The following NOD1 variants were observed in gnomAD, a reference collection of about 807,000 sequenced individuals.
The protein encoded by NOD1 is nucleotide-binding oligomerization domain-containing protein 1.
In NOD1, 70 loss-of-function variants were observed where a neutral mutation model predicts 81.2. The observed-to-expected ratio is 0.86, with a 90% confidence interval of 0.71 to 1.05. The LOEUF (loss-of-function observed/expected upper bound fraction) is 1.05, where lower values mean the gene tolerates loss of function less well. Ranked by LOEUF, NOD1 falls within the 50% of genes least tolerant of loss-of-function variation. The probability of loss-of-function intolerance (pLI) is 0.00; values close to 1 mark genes in which losing one functional copy is unlikely to be tolerated. For synonymous variants in NOD1, 508 were observed against 526.9 expected (o/e 0.96, Z 0.49); for missense variants, 1,233 against 1,228.0 (o/e 1.00, Z -0.06).
At chr7:30,450,097 G>A (rs1785529944) in intron 6 of NOD1, among the ~76,000 whole-genome samples, 1 of 152,174 alleles carries the variant, frequency 6.6e-6, no homozygotes, top group South Asian at 2.1e-4. Context: ...AGGAGGCTGG[G>A]GCAAGAGAAT....
At chr7:30,425,814 T>C (rs1399629724) in intron 13 of NOD1, 104 bp from the exon 14 acceptor site, 5 of 799,016 alleles carry the variant, frequency 6.3e-6, no homozygotes, top group Non-Finnish European at 1.1e-5. Flanking sequence ...TATCACACAA[T>C]ACACATGTAT....
At position 30,474,652 on chromosome 7, in the gene NOD1, C is replaced by T. The variant is rs189396407; in HGVS notation, c.-352+3954G>A. 1.8e-3 allele frequency among the ~76,000 whole-genome samples: 278 copies of T among 152,326 alleles called. 1 individual carries two copies. Among genetic ancestry groups the T allele is most frequent in the African/African-American group, 6.5e-3 (270 of 41,574 alleles). The stretch of plus-strand genomic sequence containing the variant: ...GATCTGACAGGAGGCAGAGTTCAGG[C>T]GGTAATGCTTGCTCACTGCTGCTCA... On this transcript the variant is annotated intron_variant, in intron 1 of 13. Transcript: ENST00000222823.
chr7:30,439,397 G>A lies in NOD1; in HGVS notation c.2454-1741C>T, dbSNP rs544321828. Among the ~76,000 whole-genome samples, 820 of 137,746 alleles carry A rather than the reference G, an allele frequency of 6.0e-3. 7 individuals are homozygous for A. Among genetic ancestry groups the A allele is most frequent in the African/African-American group, 0.023 (725 of 31,214 alleles). The allele number at this position is 137,746 out of a possible 152,430, so 90.4% of individuals were successfully genotyped here. ...ACAGTGGGCGCAGGCCAGTGTGTGC[G>A]CGCACCGTGCGCGAGCCGAAGCAGG... On this transcript the variant is annotated intron_variant, in intron 9 of 13. Coordinates refer to ENST00000222823, the MANE Select transcript of NOD1 (RefSeq NM_006092.4).
At chr7:30,431,888 T>A (rs534557397) in intron 12 of NOD1, among the ~76,000 whole-genome samples, 15 of 152,294 alleles carry the variant, frequency 9.8e-5, no homozygotes, top group Non-Finnish European at 2.1e-4. Context: ...GTGGATCACC[T>A]GAGGTCAGGA....
chr7:30,445,494 C>T (rs1027674744), intron 9 of NOD1, among the ~76,000 whole-genome samples: 14 of 151,918 alleles, frequency 9.2e-5, no homozygotes, highest in Non-Finnish European at 2.9e-5. Flanking sequence ...CACGGTGGCT[C>T]ACGCCTATAA....
intron 3 of NOD1, among the ~76,000 whole-genome samples, chr7:30,458,008 G>C (rs942348112): frequency 6.6e-6 from 1 of 152,162 alleles, no homozygotes; most frequent in Non-Finnish European, 1.5e-5. Flanking sequence ...GGAAGAGGGA[G>C]AGCCGGCACA....
chr7:30,460,216 A>G (rs1786879532), intron 1 of NOD1, 175 bp from the exon 2 acceptor site: 1 of 984,354 alleles, frequency 1.0e-6, no homozygotes, highest in Admixed American at 6.1e-5. Context: ...GCCTTGGTAA[A>G]CAGAATCTAA....
Position 30,452,835 on chromosome 7 carries a change from C to T in NOD1, c.582G>A (p.Gln194=), listed in dbSNP as rs147563269. 1.9e-6 allele frequency: 3 copies of T among 1,614,178 alleles called. No individual in the cohort carries two copies. The South Asian group carries it at 3.3e-5, about 18-fold the overall frequency. The change falls in exon 6 of 14, where the codon CAG becomes CAA. Residue 194 remains glutamine (Q), a synonymous_variant. Coordinates refer to ENST00000222823, the MANE Select transcript of NOD1 (RefSeq NM_006092.4). The part of the protein sequence containing the change: ...LDHTTGILNE[Q]GETIFILGDA... Reference sequence around the variant, plus strand: ...CACCCAGGATGAAGATGGTCTCACCCTGCTCATTGAGGATGCCGGTGGTGT... The same window carrying T: ...CACCCAGGATGAAGATGGTCTCACCTTGCTCATTGAGGATGCCGGTGGTGT...
At position 30,446,151 on chromosome 7, in the gene NOD1, A is replaced by G; in HGVS notation, c.2443T>C (p.Ser815Pro). Residue 815 changes from serine (S) to proline (P), a missense_variant, in exon 9 of 14, where the codon TCT becomes CCT. By Grantham distance (74) the Ser-to-Pro change is moderately conservative. Transcript: ENST00000222823. ...ALAVKNSKSI[S>P]EVGMWGNQVG... Reference sequence around the variant, plus strand: ...TCCCCTTCTACTCACCCAACCTCAGAGATTGATTTGCTGTTCTTCACAGCC... The same window carrying G: ...TCCCCTTCTACTCACCCAACCTCAGGGATTGATTTGCTGTTCTTCACAGCC... The G allele has an allele frequency of 6.2e-7, 1 of 1,612,312 alleles. No homozygotes were observed. The highest frequency in any genetic ancestry group is 8.5e-7 in the Non-Finnish European group (1 of 1,178,814).
intron 11 of NOD1, 89 bp from the exon 12 acceptor site, chr7:30,433,268 G>T: frequency 1.0e-6 from 1 of 974,106 alleles, no homozygotes; most frequent in Non-Finnish European, 1.6e-6. Context: ...TCAGCCCAAG[G>T]CTCTCCAGCT....
intron 13 of NOD1, among the ~76,000 whole-genome samples, chr7:30,426,979 A>AGTT (rs1783514299): frequency 6.6e-6 from 1 of 152,212 alleles, no homozygotes; most frequent in African/African-American, 2.4e-5. Context: ...TACCCATCAC[A>AGTT]GTTGTAATTA....
chr7:30,477,382 T>C (rs1047961430), intron 1 of NOD1, among the ~76,000 whole-genome samples: 2 of 152,242 alleles, frequency 1.3e-5, no homozygotes, highest in African/African-American at 4.8e-5. Flanking sequence ...CACTCCTCTC[T>C]AAGATGCATC....
At chr7:30,456,643 A>T in intron 4 of NOD1, 78 bp downstream of exon 4, 2 of 1,300,652 alleles carry the variant, frequency 1.5e-6, no homozygotes, top group Non-Finnish European at 1.1e-6. Context: ...CACGCTCTTC[A>T]CTCAGATCAG....
At chr7:30,462,441 T>G in intron 1 of NOD1, among the ~76,000 whole-genome samples, 1 of 151,970 alleles carries the variant, frequency 6.6e-6, no homozygotes, top group Non-Finnish European at 1.5e-5. Context: ...TTTTTTTTTT[T>G]TGCTGTTTTT....
At chr7:30,446,086 C>G in intron 9 of NOD1, 55 bp downstream of exon 9, 1 of 1,305,020 alleles carries the variant, frequency 7.7e-7, no homozygotes, top group Non-Finnish European at 1.1e-6. Context: ...CAGCAAGGCC[C>G]GCCCCCCACA....
In NOD1 at chr7:30,451,625, TG is replaced by T; in HGVS notation, c.1791del (p.Ala599ProfsTer15). The T allele has an allele frequency of 6.2e-7, 1 of 1,613,976 alleles. No individual in the cohort carries two copies. Among genetic ancestry groups the T allele is most frequent in the Non-Finnish European group, 8.5e-7 (1 of 1,180,040 alleles). ...TGCCGCAGGAGTTTCTGTTTGGCTT[TG>T]GACAACAGCCCGCACAGGAAGAGGT... is the stretch of plus-strand genomic sequence containing the variant. The part of the protein sequence containing the change: ...FTNLFLCGLL[S>X]KAKQKLLRHL... On this transcript the variant is annotated frameshift_variant, in exon 6 of 14. Coordinates refer to ENST00000222823, the MANE Select transcript of NOD1 (RefSeq NM_006092.4). LOFTEE classifies it high-confidence loss of function. The surrounding 1 kb of genome is among the most constrained non-coding windows in gnomAD (Gnocchi z 4.2).
At position 30,436,040 on chromosome 7, in the gene NOD1, A is replaced by C; in HGVS notation, c.2579T>G (p.Leu860Arg). The C allele has an allele frequency of 6.2e-7, 1 of 1,614,222 alleles. No individual in the cohort carries two copies. Among genetic ancestry groups the C allele is most frequent in the Non-Finnish European group, 8.5e-7 (1 of 1,180,004 alleles). ...NGISTEGGKS[L>R]ARALQQNTSL... is the part of the protein sequence containing the mutation. ...CGTGTTCTGCTGCAGGGCCCTCGCA[A>C]GGCTCTTTCCTCCTTCTGTGGAGAT... Residue 860 changes from leucine (L) to arginine (R), a missense_variant, in exon 11 of 14, where the codon CTT (leucine) becomes CGT (arginine). By Grantham distance (102) the Leu-to-Arg change is moderately radical. Coordinates refer to ENST00000222823, the MANE Select transcript of NOD1 (RefSeq NM_006092.4).
In NOD1 at chr7:30,429,729, G is replaced by A. The variant is rs1439392223; in HGVS notation, c.2706-272C>T. 2.0e-5 allele frequency among the ~76,000 whole-genome samples: 3 copies of A among 152,156 alleles called. No individual in the cohort carries two copies. In the East Asian group the frequency reaches 5.8e-4, roughly 29 times the overall value. On this transcript the variant is annotated intron_variant, in intron 12 of 13. Coordinates refer to ENST00000222823, the MANE Select transcript of NOD1 (RefSeq NM_006092.4). ...TGTGTTTGCATTTTTCACTGCAGAG[G>A]TGCATAATCAAAATATTTGGGGCCG...
At chr7:30,446,073 G>T in intron 9 of NOD1, 68 bp downstream of exon 9, 2 of 1,238,972 alleles carry the variant, frequency 1.6e-6, no homozygotes, top group Admixed American at 1.7e-5. Flanking sequence ...TGTATGAAAA[G>T]AACAGCAAGG....
Sources: allele counts gnomAD v4.1 joint callset (sites outside exome capture counted in the v4.1 genomes callset), GRCh38; gene constraint gnomAD v4.1.1; non-coding constraint Gnocchi (gnomAD v3.1); transcripts MANE v1.5; gene names NCBI Gene and HGNC (gene_info 2026-07-23, HGNC 2026-07-21).